MIDEAS: variants seen among roughly 807,000 people sequenced by gnomAD.
The protein encoded by MIDEAS is mitotic deacetylase associated SANT domain protein, also known as mitotic deacetylase-associated SANT domain protein.
Under a neutral mutation model 102.7 loss-of-function variants are expected in MIDEAS, and 26 were observed. That is an observed-to-expected ratio of 0.25 (90% CI 0.19 to 0.35). The LOEUF is 0.35. MIDEAS is among the 10% of genes least tolerant of loss of function. The probability of loss-of-function intolerance (pLI) is 1.00; values close to 1 mark genes in which losing one functional copy is unlikely to be tolerated. For synonymous variants in MIDEAS, 585 were observed against 591.0 expected (o/e 0.99, Z 0.15); for missense variants, 1,231 against 1,435.6 (o/e 0.86, Z 2.30).
intron 3 of MIDEAS, among the ~76,000 whole-genome samples, chr14:73,733,896 T>C (rs955384332): frequency 1.3e-5 from 2 of 152,014 alleles, no homozygotes; most frequent in African/African-American, 4.8e-5. Flanking sequence ...GGTTTCACTA[T>C]GTTGGCCAGG....
upstream of MIDEAS, among the ~76,000 whole-genome samples, chr14:73,789,457 G>A (rs916178341): frequency 1.3e-5 from 2 of 152,118 alleles, no homozygotes; most frequent in African/African-American, 4.8e-5. Flanking sequence ...CAGCTGAAGG[G>A]CCTCCCTCGG....
chr14:73,744,461 C>A (rs1320269504), intron 1 of MIDEAS, among the ~76,000 whole-genome samples: 1 of 152,204 alleles, frequency 6.6e-6, no homozygotes, highest in African/African-American at 2.4e-5. Flanking sequence ...ACAGCTGACC[C>A]GAGGGCCCCC....
chr14:73,760,255 CGCGCG>C lies in MIDEAS; in HGVS notation c.-745_-741del, dbSNP rs2053542307. The C allele has an allele frequency of 6.6e-6, 1 of 152,332 alleles. No individual in the cohort carries two copies. Among genetic ancestry groups the C allele is most frequent in the African/African-American group, 2.4e-5 (1 of 41,460 alleles). The allele number at this position is 152,332 out of a possible 1,614,324, so 9.4% of individuals were successfully genotyped here. A position where few individuals can be genotyped will look rare whatever the true frequency, so the allele number is the denominator to read the frequency against. ...CGGAGCGCCCAGCGGCCGGCCGGCG[CGCGCG>C]GCACCGCGGCGAGCAGGAACCAGCT... On this transcript the variant is annotated 5_prime_UTR_variant, in exon 1 of 13. Coordinates refer to ENST00000423556, the MANE Select transcript of MIDEAS (RefSeq NM_001367710.1). The surrounding 1 kb of genome is among the most constrained non-coding windows in gnomAD (Gnocchi z 4.8).
chr14:73,720,060 G>C (rs901188756), intron 11 of MIDEAS, among the ~76,000 whole-genome samples: 3 of 151,896 alleles, frequency 2.0e-5, no homozygotes, highest in African/African-American at 7.2e-5. Flanking sequence ...GGAAGCCCCG[G>C]GTGGCCATCA....
chr14:73,779,063 A>AAAAC (rs1291851767), intron 1 of MIDEAS, among the ~76,000 whole-genome samples: 1 of 151,884 alleles, frequency 6.6e-6, no homozygotes, highest in Non-Finnish European at 1.5e-5. Flanking sequence ...GAGGAAAAGG[A>AAAAC]AAACAAACAA....
chr14:73,753,304 C>A (rs2053444381), intron 1 of MIDEAS, among the ~76,000 whole-genome samples: 1 of 152,184 alleles, frequency 6.6e-6, no homozygotes, highest in Admixed American at 6.5e-5. Flanking sequence ...TCTAATGGTG[C>A]CTGAATTCCT....
chr14:73,739,281 A>G lies in MIDEAS; in HGVS notation c.728T>C (p.Phe243Ser), dbSNP rs770043197. The G allele has an allele frequency of 6.2e-7, 1 of 1,611,310 alleles. No homozygotes were observed. The highest frequency in any genetic ancestry group is 2.2e-5 in the East Asian group (1 of 44,808). ...CTGCTGCTGCTGCTTCTGTGGAGGG[A>G]AGGCAGCCACCGGGTTTGGGGGCGG... Reference protein sequence around the residue: ...GPPPPNPVAAFPPQKQQQQQQ... With the variant: ...GPPPPNPVAASPPQKQQQQQQ... Residue 243 changes from phenylalanine (F) to serine (S), a missense_variant, in exon 2 of 13, where the codon TTC (phenylalanine) becomes TCC (serine). Around this residue, in one of 5 missense-constraint regions of MIDEAS, gnomAD observed 758 missense variants for 856.0 expected, o/e 0.89. Coordinates refer to ENST00000423556, the MANE Select transcript of MIDEAS (RefSeq NM_001367710.1).
chr14:73,753,610 C>T (rs956870031), intron 1 of MIDEAS, among the ~76,000 whole-genome samples: 3 of 152,188 alleles, frequency 2.0e-5, no homozygotes, highest in Non-Finnish European at 4.4e-5. Context: ...GCTCAGACAT[C>T]GTTATCAGTC....
chr14:73,771,059 A>AAC (rs372660555), intron 1 of MIDEAS, among the ~76,000 whole-genome samples: 16 of 151,680 alleles, frequency 1.1e-4, no homozygotes, highest in East Asian at 5.8e-4. Context: ...CCCACCTCCA[A>AAC]ACACACACAC....
At chr14:73,733,804 C>G (rs1360260231) in intron 3 of MIDEAS, among the ~76,000 whole-genome samples, 1 of 152,026 alleles carries the variant, frequency 6.6e-6, no homozygotes, top group African/African-American at 2.4e-5. Context: ...AAGCGATTCT[C>G]TTGCCTCAGC....
At chr14:73,719,094 C>G in intron 12 of MIDEAS, 86 bp from the exon 13 acceptor site, 1 of 1,451,468 alleles carries the variant, frequency 6.9e-7, no homozygotes, top group Non-Finnish European at 9.0e-7. Flanking sequence ...CAGCCTTCAC[C>G]TTCACCCCCA....
At position 73,737,021 on chromosome 14, in the gene MIDEAS, G is replaced by A. The variant is rs2140119228; in HGVS notation, c.1726C>T (p.Pro576Ser). 1 of 1,613,368 alleles carries A rather than the reference G, an allele frequency of 6.2e-7. No homozygotes were observed. Among genetic ancestry groups the A allele is most frequent in the East Asian group, 2.2e-5 (1 of 44,868 alleles). ...ACCTGAGCTTGAGCATCTGTCCCGGGGATTCGGGTGGACCGCCTGCGGGTG... is the reference window on the plus strand; with the variant it reads ...ACCTGAGCTTGAGCATCTGTCCCGGAGATTCGGGTGGACCGCCTGCGGGTG... ...IVTRRRSTRI[P>S]GTDAQAQAED... Residue 576 changes from proline to serine, a missense_variant, in exon 3 of 13, where the codon CCC (proline) becomes TCC (serine). By Grantham distance (74) the Pro-to-Ser change is moderately conservative. Around this residue, in one of 5 missense-constraint regions of MIDEAS, gnomAD observed 758 missense variants for 856.0 expected, o/e 0.89. Transcript: ENST00000423556.
Position 73,717,620 on chromosome 14 carries a change from G to C in MIDEAS, c.*1223C>G, listed in dbSNP as rs1376601740. The C allele has an allele frequency of 6.6e-6, 1 of 152,658 alleles. No homozygotes were observed. Among genetic ancestry groups the C allele is most frequent in the Non-Finnish European group, 1.5e-5 (1 of 68,040 alleles). 9.5% of individuals were successfully genotyped at this position (152,658 alleles called of 1,614,324 possible). ...GGACCTTAGGGCCTTGGGAATTTAG[G>C]GGGTGGGGATAGGGGATGTCAAGAT... is the stretch of plus-strand genomic sequence containing the variant. On this transcript the variant is annotated 3_prime_UTR_variant, in exon 13 of 13. Coordinates refer to ENST00000423556, the MANE Select transcript of MIDEAS (RefSeq NM_001367710.1).
intron 3 of MIDEAS, among the ~76,000 whole-genome samples, chr14:73,734,681 T>C (rs1253790799): frequency 6.6e-6 from 1 of 152,084 alleles, no homozygotes; most frequent in Non-Finnish European, 1.5e-5. Flanking sequence ...TCCTCCTGCC[T>C]TGGCCCCCCC....
upstream of MIDEAS, chr14:73,787,559 A>T (rs1478450181): frequency 6.6e-6 from 1 of 152,282 alleles, no homozygotes; most frequent in Non-Finnish European, 1.5e-5. Flanking sequence ...CTGGGGTTCC[A>T]GGGTAAACAC....
At chr14:73,727,674 C>A in intron 4 of MIDEAS, 150 bp from the exon 5 acceptor site, 2 of 702,368 alleles carry the variant, frequency 2.8e-6, no homozygotes, top group Non-Finnish European at 4.6e-6. Flanking sequence ...GGCTCTGCAG[C>A]CTGTCACCTA....
At chr14:73,788,378 C>G (rs1299017503), upstream of MIDEAS, among the ~76,000 whole-genome samples, 1 of 152,058 alleles carries the variant, frequency 6.6e-6, no homozygotes, top group African/African-American at 2.4e-5. Context: ...TTTATGAAAA[C>G]ACAGGAAACC....
rs2053531294 is a variant in MIDEAS at position 73,759,504 on chromosome 14, A to T, written c.-248+259T>A. On this transcript the variant is annotated intron_variant, in intron 1 of 12. Transcript: ENST00000423556. This position sits in a 1 kb window ranked among gnomAD's most constrained non-coding sequence, Gnocchi z 6.7. ...CACCGCGGGGCTGCGCTGCACACGCAGCTGCGGGCCGAGGGCGCGGACCGC... is the reference window on the plus strand; with the variant it reads ...CACCGCGGGGCTGCGCTGCACACGCTGCTGCGGGCCGAGGGCGCGGACCGC... 6.7e-6 allele frequency among the ~76,000 whole-genome samples: 1 copy of T among 150,306 alleles called. No homozygotes were observed. The highest frequency in any genetic ancestry group is 1.5e-5 in the Non-Finnish European group (1 of 67,424).
At chr14:73,731,474 GAA>G (rs1164870205) in intron 3 of MIDEAS, among the ~76,000 whole-genome samples, 5 of 134,898 alleles carry the variant, frequency 3.7e-5, no homozygotes, top group African/African-American at 1.4e-4. Flanking sequence ...TGATTGCACA[GAA>G]AAAAAAAAAA....
Sources: allele counts gnomAD v4.1 joint callset (sites outside exome capture counted in the v4.1 genomes callset), GRCh38; gene constraint gnomAD v4.1.1; regional missense constraint gnomAD v4.1.1; non-coding constraint Gnocchi (gnomAD v3.1); transcripts MANE v1.5; gene names NCBI Gene and HGNC (gene_info 2026-07-23, HGNC 2026-07-21).